Variants in SCHIP1 observed in about 807,000 individuals in gnomAD.
SCHIP1 encodes the protein schwannomin-interacting protein 1.
Under a neutral mutation model 29.7 loss-of-function variants are expected in SCHIP1, and 8 were observed. That is an observed-to-expected ratio of 0.27 (90% CI 0.16 to 0.49). SCHIP1 has a LOEUF of 0.49. Ranked by LOEUF, SCHIP1 falls within the 20% of genes least tolerant of loss-of-function variation. The pLI, the probability that SCHIP1 is intolerant of heterozygous loss-of-function variation, is 0.99. For synonymous variants in SCHIP1, 76 were observed against 94.9 expected (o/e 0.80, Z 1.16); for missense variants, 193 against 294.6 (o/e 0.66, Z 2.52).
the SCHIP1 span, among the ~76,000 whole-genome samples, chr3:159,344,797 G>A: frequency 3.3e-5 from 5 of 152,118 alleles, no homozygotes; most frequent in Non-Finnish European, 7.4e-5. Context: ...ATAGCTAATA[G>A]GAATGTGTCC....
chr3:159,755,113 T>C, the SCHIP1 span, among the ~76,000 whole-genome samples: 2 of 152,032 alleles, frequency 1.3e-5, no homozygotes, highest in Non-Finnish European at 2.9e-5. Context: ...CAGGCACCTG[T>C]AGTCCCAGCT....
At chr3:159,881,566 G>A (rs927338674) in intron 2 of SCHIP1, among the ~76,000 whole-genome samples, 2 of 152,144 alleles carry the variant, frequency 1.3e-5, no homozygotes, top group African/African-American at 4.8e-5. Context: ...AGTATAGGAG[G>A]CATATTTCCT....
At chr3:159,839,907 GCGCCCCCT>G in exon 1 of SCHIP1, 1 of 1,397,574 alleles carries the variant, frequency 7.2e-7, no homozygotes, top group Non-Finnish European at 9.2e-7. Flanking sequence ...CGGGTGATGA[GCGCCCCCT>G]CCCCCAGCCC....
chr3:159,594,340 A>G, the SCHIP1 span, among the ~76,000 whole-genome samples: 1 of 152,300 alleles, frequency 6.6e-6, no homozygotes, highest in Middle Eastern at 3.4e-3. Context: ...TTTAAATGTT[A>G]TGTTAGTTGG....
chr3:159,341,183 C>T, the SCHIP1 span, among the ~76,000 whole-genome samples: 1 of 151,006 alleles, frequency 6.6e-6, no homozygotes, highest in Admixed American at 6.6e-5. Flanking sequence ...GGGGAGACAT[C>T]TTTAAGCCTA....
At chr3:159,408,949 G>T in the SCHIP1 span, among the ~76,000 whole-genome samples, 1 of 152,224 alleles carries the variant, frequency 6.6e-6, no homozygotes, top group East Asian at 1.9e-4. Context: ...ATAACCAGGT[G>T]GGATTTATCC....
chr3:159,429,253 A>G, the SCHIP1 span, among the ~76,000 whole-genome samples: 1 of 152,032 alleles, frequency 6.6e-6, no homozygotes, highest in South Asian at 2.1e-4. Context: ...TGTCATGGCA[A>G]TAGAATCCAG....
intron 1 of SCHIP1, among the ~76,000 whole-genome samples, chr3:159,841,325 A>G (rs1319332978): frequency 1.3e-5 from 2 of 152,210 alleles, no homozygotes; most frequent in Non-Finnish European, 2.9e-5. Context: ...TTTATTTCAT[A>G]GTATTTTCAT....
the SCHIP1 span, among the ~76,000 whole-genome samples, chr3:159,680,105 A>C: frequency 6.6e-6 from 1 of 151,952 alleles, no homozygotes; most frequent in South Asian, 2.1e-4. Flanking sequence ...TCTTCCCATT[A>C]GGATATAACC....
intron 1 of SCHIP1, among the ~76,000 whole-genome samples, chr3:159,843,557 A>T (rs951210324): frequency 2.6e-5 from 4 of 151,956 alleles, no homozygotes; most frequent in African/African-American, 9.7e-5. Context: ...GTGGTGGCTC[A>T]CGCCTGTAAT....
At chr3:159,753,869 C>T in the SCHIP1 span, among the ~76,000 whole-genome samples, 10 of 152,186 alleles carry the variant, frequency 6.6e-5, no homozygotes, top group African/African-American at 2.2e-4. Context: ...TTTATTCAAG[C>T]CTTTATTCAA....
At chr3:159,622,377 T>C in the SCHIP1 span, among the ~76,000 whole-genome samples, 1 of 152,178 alleles carries the variant, frequency 6.6e-6, no homozygotes, top group Non-Finnish European at 1.5e-5. Flanking sequence ...AAATAGCATC[T>C]GTAGGCATAA....
the SCHIP1 span, among the ~76,000 whole-genome samples, chr3:159,375,256 G>C: frequency 1.3e-5 from 2 of 152,178 alleles, no homozygotes; most frequent in Non-Finnish European, 2.9e-5. Flanking sequence ...AGTATCCAAA[G>C]AAGATGCTCA....
rs1020112151 is a variant in SCHIP1, at chr3:159,861,857, A to G, written c.31-4306A>G. Among the ~76,000 whole-genome samples, 1 of 151,870 alleles carries G rather than the reference A, an allele frequency of 6.6e-6. No homozygotes were observed. The highest frequency in any genetic ancestry group is 1.5e-5 in the Non-Finnish European group (1 of 67,966). ...TGAGTCAGCCTCTTCCTTTTCCTGT[A>G]CCCTTGTCTGTTTCTCACCCTGGAG... On this transcript the variant is annotated intron_variant, in intron 1 of 6. Transcript: ENST00000445224. The surrounding 1 kb of genome is among the most constrained non-coding windows in gnomAD (Gnocchi z 4.1).
chr3:159,778,856 C>T, the SCHIP1 span, among the ~76,000 whole-genome samples: 2 of 152,176 alleles, frequency 1.3e-5, no homozygotes, highest in Non-Finnish European at 2.9e-5. Context: ...TATGTGCACA[C>T]ACGGCCTGTG....
the SCHIP1 span, among the ~76,000 whole-genome samples, chr3:159,606,827 A>G: frequency 6.6e-6 from 1 of 152,196 alleles, no homozygotes; most frequent in Non-Finnish European, 1.5e-5. Flanking sequence ...TTCCTGCTAG[A>G]CCTTCCATTG....
At chr3:159,376,456 T>C in the SCHIP1 span, among the ~76,000 whole-genome samples, 1 of 152,172 alleles carries the variant, frequency 6.6e-6, no homozygotes, top group East Asian at 1.9e-4. Flanking sequence ...ACTTCAACTT[T>C]ACCCTTCATC....
chr3:159,848,139 G>A (rs1224493574), intron 1 of SCHIP1, among the ~76,000 whole-genome samples: 1 of 152,184 alleles, frequency 6.6e-6, no homozygotes, highest in Admixed American at 6.5e-5. Flanking sequence ...CGTGAGCAAT[G>A]TGCCTTTCAA....
chr3:159,275,461 A>C, the SCHIP1 span, among the ~76,000 whole-genome samples: 1 of 152,132 alleles, frequency 6.6e-6, no homozygotes, highest in African/African-American at 2.4e-5. Context: ...CATAAAACGC[A>C]TCTGCTTGCT....
Sources: gnomAD v4.1 joint callset for allele counts (sites outside exome capture counted in the v4.1 genomes callset) on GRCh38, gnomAD v4.1.1 for gene constraint, Gnocchi (gnomAD v3.1) non-coding constraint, MANE v1.5 for transcripts, NCBI Gene and HGNC (gene_info 2026-07-23, HGNC 2026-07-21) for gene names.